Variants in ZNF665 observed in about 807,000 individuals in gnomAD.
The protein encoded by ZNF665 is zinc finger protein 665.
ZNF665 carries 6 observed loss-of-function variants against 7.9 expected under a neutral mutation model. The observed-to-expected ratio is 0.76, with a 90% CI of 0.42 to 1.50. The LOEUF is 1.50. Among genes scored for constraint, ZNF665 ranks in the 40% most tolerant of loss-of-function variants. The pLI, the probability that ZNF665 is intolerant of heterozygous loss-of-function variation, is 0.01. For missense variants in ZNF665, 819 were observed against 806.7 expected (o/e 1.02, Z -0.18); for synonymous variants, 242 against 274.5 (o/e 0.88, Z 1.17).
chr19:53,171,526 T>TA (rs1404974938), intron 3 of ZNF665, among the ~76,000 whole-genome samples: 535 of 36,322 alleles, frequency 0.015, 1 homozygote, highest in Non-Finnish European at 0.017. Flanking sequence ...ATATATATAT[T>TA]TTTTTTTTTT....
At chr19:53,177,822 A>T (rs1407579501) in intron 2 of ZNF665, among the ~76,000 whole-genome samples, 1 of 152,240 alleles carries the variant, frequency 6.6e-6, no homozygotes, top group East Asian at 1.9e-4. Flanking sequence ...GTACTAACAC[A>T]TACAACACTG....
chr19:53,171,522 A>ATTTT (rs1271373888), intron 3 of ZNF665, among the ~76,000 whole-genome samples: 9 of 75,380 alleles, frequency 1.2e-4, no homozygotes, highest in African/African-American at 2.7e-4. Context: ...ATATATATAT[A>ATTTT]TATTTTTTTT....
At chr19:53,170,333 A>G (rs1434542807) in intron 3 of ZNF665, among the ~76,000 whole-genome samples, 1 of 152,230 alleles carries the variant, frequency 6.6e-6, no homozygotes, top group Non-Finnish European at 1.5e-5. Context: ...GTCATGATGC[A>G]TATATAGAAT....
At chr19:53,169,493 T>C (rs1182062231) in intron 3 of ZNF665, among the ~76,000 whole-genome samples, 2 of 152,150 alleles carry the variant, frequency 1.3e-5, no homozygotes, top group Non-Finnish European at 2.9e-5. Flanking sequence ...ATAGGTTGGA[T>C]GGCTTTAAAA....
At chr19:53,176,881 A>C (rs966823066) in intron 2 of ZNF665, among the ~76,000 whole-genome samples, 1 of 152,236 alleles carries the variant, frequency 6.6e-6, no homozygotes, top group Non-Finnish European at 1.5e-5. Flanking sequence ...GCACTTTGGG[A>C]GGCCAAGGCG....
intron 1 of ZNF665, among the ~76,000 whole-genome samples, chr19:53,189,366 G>A (rs2090797348): frequency 6.6e-6 from 1 of 151,298 alleles, no homozygotes; most frequent in Non-Finnish European, 1.5e-5. Flanking sequence ...GGCCCCGAAT[G>A]TCTGGCTGCG....
At position 53,165,433 on chromosome 19, in the gene ZNF665, T is replaced by C. The variant is rs2090603187; in HGVS notation, c.1057A>G (p.Lys353Glu). 1 of 1,613,474 alleles carries C rather than the reference T, an allele frequency of 6.2e-7. No homozygotes were observed. Residue 353 changes from lysine to glutamate, a missense_variant, in exon 4 of 4, where the codon AAG becomes GAG. Physicochemically the swap from Lys to Glu is moderately conservative, Grantham distance 56 (BLOSUM62 1). Coordinates refer to ENST00000396424, the MANE Select transcript of ZNF665 (RefSeq NM_024733.5). ...AGGTATGAATTGTGCCTGAAGACCT[T>C]GCCACATTCATTACATTTGTAAGGT... Reference protein sequence around the residue: ...EKPYKCNECGKVFRHNSYLAK... With the variant: ...EKPYKCNECGEVFRHNSYLAK...
chr19:53,183,518 C>G (rs376624676), intron 1 of ZNF665, among the ~76,000 whole-genome samples: 23 of 152,102 alleles, frequency 1.5e-4, no homozygotes, highest in Admixed American at 3.9e-4. Flanking sequence ...CCAGCACAGC[C>G]CCCCCACCTT....
chr19:53,170,457 A>G (rs1194778361), intron 3 of ZNF665, among the ~76,000 whole-genome samples: 1 of 152,208 alleles, frequency 6.6e-6, no homozygotes, highest in East Asian at 1.9e-4. Context: ...TAATCTCCCC[A>G]ACCCCACCCT....
chr19:53,176,643 C>A (rs2090700412), intron 2 of ZNF665, among the ~76,000 whole-genome samples: 1 of 152,068 alleles, frequency 6.6e-6, no homozygotes, highest in South Asian at 2.1e-4. Flanking sequence ...GGTGGCTGCA[C>A]CCTTGTGGGA....
intron 1 of ZNF665, among the ~76,000 whole-genome samples, chr19:53,183,393 A>C (rs550139931): frequency 3.9e-5 from 6 of 152,272 alleles, no homozygotes; most frequent in African/African-American, 1.4e-4. Context: ...CAAATCTTAA[A>C]TGTCACTGAA....
At position 53,162,496 on chromosome 19, in the gene ZNF665, G is replaced by A. The variant is rs1490907082; in HGVS notation, c.*1957C>T. On this transcript the variant is annotated 3_prime_UTR_variant, in exon 4 of 4. Coordinates refer to ENST00000396424, the MANE Select transcript of ZNF665 (RefSeq NM_024733.5). The stretch of plus-strand genomic sequence containing the variant: ...GCATTCTTAAATAGTAGCAAAATGT[G>A]ATTCCAGCAGTTAATGTAAATCCTA... The A allele has an allele frequency of 1.3e-5, 2 of 152,114 alleles. No homozygotes were observed. Among genetic ancestry groups the A allele is most frequent in the Non-Finnish European group, 2.9e-5 (2 of 68,024 alleles). 9.4% of individuals were successfully genotyped at this position (152,114 alleles called of 1,614,324 possible).
At chr19:53,181,640 C>G (rs751506628) in intron 2 of ZNF665, 1 of 152,182 alleles carries the variant, frequency 6.6e-6, no homozygotes, top group Non-Finnish European at 1.5e-5. Flanking sequence ...TAGCAGCTCT[C>G]ATTAGACACA....
chr19:53,177,954 T>C (rs1254918484), intron 2 of ZNF665, among the ~76,000 whole-genome samples: 5 of 152,162 alleles, frequency 3.3e-5, no homozygotes, highest in Non-Finnish European at 7.3e-5. Flanking sequence ...TGTACCCAGG[T>C]GTCTAGGAAT....
Position 53,165,869 on chromosome 19 carries a change from C to T in ZNF665, c.621G>A (p.Gln207=). 3 of 1,614,096 alleles carry T rather than the reference C, an allele frequency of 1.9e-6. No individual in the cohort carries two copies. Among genetic ancestry groups the T allele is most frequent in the Non-Finnish European group, 2.5e-6 (3 of 1,179,974 alleles). The part of the protein sequence containing the change: ...KRIHTGEKPY[Q]CNKCGKAFTV... ...TAAAGGCTTTGCCACACTTATTACA[C>T]TGGTAAGGCTTCTCTCCAGTATGAA... Residue 207 remains glutamine (Q), a synonymous_variant, in exon 4 of 4, where the codon CAG becomes CAA. Coordinates refer to ENST00000396424, the MANE Select transcript of ZNF665 (RefSeq NM_024733.5).
At chr19:53,168,055 C>CAAAAAAAAAAA (rs57521729) in intron 3 of ZNF665, among the ~76,000 whole-genome samples, 3 of 66,402 alleles carry the variant, frequency 4.5e-5, no homozygotes, top group African/African-American at 1.7e-4. Context: ...GACTCCCTCT[C>CAAAAAAAAAAA]AAAAAAAAAA....
In ZNF665 at chr19:53,165,063, T is replaced by C; in HGVS notation, c.1427A>G (p.His476Arg). ...VFTQNSHLAS[H>R]RGIHSGEKPY... ...TTTCTCTCCAGAATGAATTCCCCGA[T>C]GACTTGCAAGGTGTGAATTTTGTGT... is the stretch of plus-strand genomic sequence containing the variant. The change falls in exon 4 of 4, where the codon CAT becomes CGT. Residue 476 changes from histidine to arginine, a missense_variant. His to Arg is a conservative substitution (Grantham distance 29, BLOSUM62 0). Transcript: ENST00000396424. 6.2e-7 allele frequency: 1 copy of C among 1,614,184 alleles called. No individual in the cohort carries two copies. Among genetic ancestry groups the C allele is most frequent in the Non-Finnish European group, 8.5e-7 (1 of 1,180,028 alleles).
intron 3 of ZNF665, among the ~76,000 whole-genome samples, chr19:53,171,524 A>ATATATATATTTTTTTTTT (rs372855271): frequency 1.4e-5 from 1 of 69,318 alleles, no homozygotes; most frequent in African/African-American, 5.2e-5. Flanking sequence ...ATATATATAT[A>ATATATATATTTTTTTTTT]TTTTTTTTTT....
chr19:53,163,759 C>T lies in ZNF665; in HGVS notation c.*694G>A, dbSNP rs1033861863. 3.9e-5 allele frequency: 6 copies of T among 152,154 alleles called. No homozygotes were observed. Among genetic ancestry groups the T allele is most frequent in the Admixed American group, 6.6e-5 (1 of 15,264 alleles). The allele number at this position is 152,154 out of a possible 1,614,324, so 9.4% of individuals were successfully genotyped here. On this transcript the variant is annotated 3_prime_UTR_variant, in exon 4 of 4. Coordinates refer to ENST00000396424, the MANE Select transcript of ZNF665 (RefSeq NM_024733.5). ...ATGTATCATGTAATGAGTTTTAACACATTTGGACTTCTGATTATGCTGAAG... is the reference window on the plus strand; with the variant it reads ...ATGTATCATGTAATGAGTTTTAACATATTTGGACTTCTGATTATGCTGAAG...
Sources: gnomAD v4.1 joint callset for allele counts (sites outside exome capture counted in the v4.1 genomes callset) on GRCh38, gnomAD v4.1.1 for gene constraint, MANE v1.5 for transcripts, NCBI Gene and HGNC (gene_info 2026-07-23, HGNC 2026-07-21) for gene names.